STAM2: variants seen among roughly 807,000 people sequenced by gnomAD.
STAM2 encodes signal transducing adaptor molecule 2.
A neutral mutation model predicts 65.6 loss-of-function variants in STAM2; 51 were observed. That is an observed-to-expected ratio of 0.78 (90% CI 0.62 to 0.98). STAM2 has a LOEUF of 0.98. Ranked by LOEUF, STAM2 falls within the 50% of genes least tolerant of loss-of-function variation. STAM2 has a pLI of 0.00. For synonymous variants in STAM2, 198 were observed against 208.4 expected, an observed-to-expected ratio of 0.95 and a Z score of 0.43; for missense variants, 584 against 617.8, an observed-to-expected ratio of 0.95 and a Z score of 0.58.
chr2:152,138,828 G>C (rs902792225), intron 7 of STAM2, among the ~76,000 whole-genome samples: 2 of 152,160 alleles, frequency 1.3e-5, no homozygotes, highest in Non-Finnish European at 2.9e-5. Context: ...TTGAAAAGGA[G>C]AGCTGAACTT....
chr2:152,159,881 G>T (rs572308453), intron 1 of STAM2, among the ~76,000 whole-genome samples: 1 of 152,208 alleles, frequency 6.6e-6, no homozygotes, highest in Admixed American at 6.5e-5. Flanking sequence ...GGCGCGCGCC[G>T]CCACGCCTGA....
At chr2:152,133,758 G>C (rs1689106482) in intron 8 of STAM2, among the ~76,000 whole-genome samples, 1 of 152,038 alleles carries the variant, frequency 6.6e-6, no homozygotes, top group Admixed American at 6.6e-5. Context: ...TAACCTCTTG[G>C]AACTTAAAAT....
At chr2:152,171,813 A>G (rs1281237481) in intron 1 of STAM2, among the ~76,000 whole-genome samples, 1 of 152,240 alleles carries the variant, frequency 6.6e-6, no homozygotes, top group Non-Finnish European at 1.5e-5. Context: ...GGTTGAAAAG[A>G]GCAAACATTT....
intron 1 of STAM2, among the ~76,000 whole-genome samples, chr2:152,173,074 A>G (rs1198040004): frequency 6.6e-6 from 1 of 151,778 alleles, no homozygotes; most frequent in Non-Finnish European, 1.5e-5. Context: ...TGTTTCCTCC[A>G]TTAGATTGAG....
intron 1 of STAM2, among the ~76,000 whole-genome samples, chr2:152,172,428 T>C (rs1179394683): frequency 6.6e-6 from 1 of 152,060 alleles, no homozygotes; most frequent in Non-Finnish European, 1.5e-5. Flanking sequence ...TCCTTCCTCA[T>C]ATGACTGTCA....
chr2:152,142,555 G>A (rs960136469), intron 7 of STAM2, among the ~76,000 whole-genome samples: 15 of 152,112 alleles, frequency 9.9e-5, no homozygotes, highest in African/African-American at 3.6e-4. Context: ...ACTTACGATG[G>A]TGCAAAAGTG....
intron 1 of STAM2, among the ~76,000 whole-genome samples, chr2:152,152,124 G>A (rs1689457214): frequency 6.6e-6 from 1 of 152,108 alleles, no homozygotes; most frequent in African/African-American, 2.4e-5. Flanking sequence ...TATTTTTTGT[G>A]GAGACGGGGT....
intron 1 of STAM2, among the ~76,000 whole-genome samples, chr2:152,160,712 C>T (rs535125568): frequency 6.7e-6 from 1 of 149,618 alleles, no homozygotes; most frequent in Admixed American, 6.6e-5. Flanking sequence ...GGGTCAGCCC[C>T]CCGCCTGGCC....
chr2:152,166,223 T>C (rs1171185875), intron 1 of STAM2, among the ~76,000 whole-genome samples: 10 of 151,948 alleles, frequency 6.6e-5, no homozygotes, highest in Admixed American at 1.3e-4. Flanking sequence ...CCCACTAGAA[T>C]AGCTAAAAAT....
At chr2:152,155,479 G>A (rs1285361491) in intron 1 of STAM2, among the ~76,000 whole-genome samples, 1 of 152,226 alleles carries the variant, frequency 6.6e-6, no homozygotes, top group East Asian at 1.9e-4. Context: ...GCACTAGTGA[G>A]CTTATGAAGT....
intron 7 of STAM2, among the ~76,000 whole-genome samples, chr2:152,143,418 T>C (rs975432973): frequency 3.9e-5 from 6 of 152,168 alleles, no homozygotes; most frequent in African/African-American, 1.4e-4. Flanking sequence ...AATACAGTAG[T>C]AGATTAAGAA....
At chr2:152,172,421 T>A (rs1033814757) in intron 1 of STAM2, among the ~76,000 whole-genome samples, 5 of 152,148 alleles carry the variant, frequency 3.3e-5, no homozygotes, top group Admixed American at 2.0e-4. Context: ...AAAGGATTCC[T>A]TCCTCATATG....
At chr2:152,144,758 C>G (rs1274851484) in intron 6 of STAM2, 130 bp downstream of exon 6, 3 of 668,768 alleles carry the variant, frequency 4.5e-6, no homozygotes, top group Non-Finnish European at 7.9e-6. Context: ...AGGCTGGTCT[C>G]GATCTCTTGA....
At chr2:152,167,356 A>G (rs1225508101) in intron 1 of STAM2, among the ~76,000 whole-genome samples, 1 of 152,228 alleles carries the variant, frequency 6.6e-6, no homozygotes. Context: ...CATTAAGAAA[A>G]TAACGCTAAA....
intron 6 of STAM2, 125 bp from the exon 7 acceptor site, chr2:152,144,138 T>TTA: frequency 3.1e-6 from 2 of 650,724 alleles, no homozygotes; most frequent in African/African-American, 1.9e-5. Context: ...ATGCTACAGT[T>TTA]AACTTTCGGG....
intron 1 of STAM2, among the ~76,000 whole-genome samples, chr2:152,158,773 T>C (rs568547509): frequency 6.6e-6 from 1 of 152,158 alleles, no homozygotes; most frequent in South Asian, 2.1e-4. Flanking sequence ...CAGGGCCTTC[T>C]TACTGTGTCC....
chr2:152,130,051 T>A (rs1050527820), intron 11 of STAM2, among the ~76,000 whole-genome samples: 2 of 152,166 alleles, frequency 1.3e-5, no homozygotes, highest in African/African-American at 4.8e-5. Flanking sequence ...TTTCTTCTTG[T>A]GCTGCTTATA....
chr2:152,138,444 C>G (rs2105540578), intron 7 of STAM2, among the ~76,000 whole-genome samples: 1 of 152,104 alleles, frequency 6.6e-6, no homozygotes, highest in South Asian at 2.1e-4. Flanking sequence ...AGCTTGTATC[C>G]AACAACCTTT....
In STAM2 at chr2:152,175,627, C is replaced by T. The variant is rs759403349; in HGVS notation, c.16G>A (p.Ala6Thr). The T allele has an allele frequency of 6.2e-7, 1 of 1,613,696 alleles. No individual in the cohort carries two copies. The highest frequency in any genetic ancestry group is 8.5e-7 in the Non-Finnish European group (1 of 1,179,842). The change falls in exon 1 of 14, where the codon GCC (alanine) becomes ACC (threonine). Residue 6 changes from alanine (A) to threonine (T), a missense_variant. By Grantham distance (58) the Ala-to-Thr change is moderately conservative. Coordinates refer to ENST00000263904, the MANE Select transcript of STAM2 (RefSeq NM_005843.6). MPLFT[A>T]NPFEQDVEKA... ...CCCACGTCTTGCTCGAAGGGGTTGG[C>T]GGTGAACAAAGGCATCTCGCCGGCG...
Sources: gnomAD v4.1 joint callset for allele counts (sites outside exome capture counted in the v4.1 genomes callset) on GRCh38, gnomAD v4.1.1 for gene constraint, MANE v1.5 for transcripts, NCBI Gene and HGNC (gene_info 2026-07-23, HGNC 2026-07-21) for gene names.